VRK2: variants seen among roughly 807,000 people sequenced by gnomAD.
VRK2 encodes serine/threonine-protein kinase VRK2.
VRK2 carries 60 observed loss-of-function variants against 57.6 expected under a neutral mutation model. The observed-to-expected ratio is 1.04, with a 90% CI of 0.85 to 1.29. VRK2 has a LOEUF of 1.29. Ranked by LOEUF, VRK2 falls within the 50% of genes most tolerant of loss-of-function variation. The pLI, the probability that VRK2 is intolerant of heterozygous loss-of-function variation, is 0.00. For missense variants in VRK2, 705 were observed against 588.1 expected (o/e 1.20, Z -2.06); for synonymous variants, 231 against 199.2 (o/e 1.16, Z -1.35).
At chr2:58,119,375 G>C (rs577256150) in intron 7 of VRK2, among the ~76,000 whole-genome samples, 8 of 151,268 alleles carry the variant, frequency 5.3e-5, no homozygotes, top group South Asian at 2.1e-4. Context: ...CAGGCATGGG[G>C]CTGAGGCAGG....
intron 2 of VRK2, among the ~76,000 whole-genome samples, chr2:58,054,006 C>A (rs148404301): frequency 9.9e-5 from 15 of 152,074 alleles, no homozygotes; most frequent in African/African-American, 3.4e-4. Flanking sequence ...AAATTTAATA[C>A]GTTTGTTGGA....
At chr2:57,973,613 A>G (rs12713370) in intron 1 of VRK2, among the ~76,000 whole-genome samples, 103,310 of 151,550 alleles carry the variant, frequency 0.68, 36,171 homozygotes, top group African/African-American at 0.85. Flanking sequence ...ATCTAGCAGC[A>G]CTGTCAAACT....
chr2:58,011,473 C>G (rs919699033), intron 1 of VRK2, among the ~76,000 whole-genome samples: 2 of 152,150 alleles, frequency 1.3e-5, no homozygotes, highest in African/African-American at 4.8e-5. Context: ...ACTGGAATTT[C>G]AATGAAGTAT....
chr2:58,093,755 A>G (rs866480971), intron 7 of VRK2, among the ~76,000 whole-genome samples: 9 of 152,268 alleles, frequency 5.9e-5, no homozygotes, highest in Middle Eastern at 6.8e-3. Context: ...TGTGTCCTGA[A>G]TGGTATTGCC....
chr2:58,147,251 C>G, intron 12 of VRK2: 1 of 500,226 alleles, frequency 2.0e-6, no homozygotes, highest in Non-Finnish European at 4.0e-6. Flanking sequence ...AAGCATAGTA[C>G]TTATGCATTC....
At chr2:57,998,219 A>G (rs1169299915) in intron 1 of VRK2, among the ~76,000 whole-genome samples, 1 of 152,224 alleles carries the variant, frequency 6.6e-6, no homozygotes, top group Admixed American at 6.5e-5. Flanking sequence ...AAGTATTACT[A>G]TGATAAGTAA....
intron 1 of VRK2, among the ~76,000 whole-genome samples, chr2:57,961,767 G>A (rs954237059): frequency 6.6e-6 from 1 of 152,178 alleles, no homozygotes; most frequent in African/African-American, 2.4e-5. Flanking sequence ...AGAGAGCACT[G>A]ATAGAGGCTC....
At position 58,139,740 on chromosome 2, in the gene VRK2, A is replaced by G. The variant is rs1681048548; in HGVS notation, c.931A>G (p.Lys311Glu). ...DEKPNYQALK[K>E]ILNPHGIPLG... ...AAAGCCAAACTATCAAGCCCTCAAG[A>G]AAATTTTGAACCCTCATGGAATACC... Residue 311 changes from lysine (K) to glutamate (E), a missense_variant, in exon 11 of 13, where the codon AAA becomes GAA. Physicochemically the swap from Lys to Glu is moderately conservative, Grantham distance 56. Transcript: ENST00000340157. The G allele has an allele frequency of 1.9e-6, 3 of 1,613,320 alleles. No homozygotes were observed. The highest frequency in any genetic ancestry group is 3.3e-4 in the Middle Eastern group (2 of 6,056).
intron 2 of VRK2, among the ~76,000 whole-genome samples, chr2:58,054,418 G>C (rs1676211120): frequency 6.6e-6 from 1 of 150,462 alleles, no homozygotes; most frequent in Admixed American, 6.6e-5. Flanking sequence ...GAAACATATT[G>C]CTGTGGGGAA....
At chr2:58,143,926 T>G (rs1681712429) in intron 11 of VRK2, among the ~76,000 whole-genome samples, 1 of 151,702 alleles carries the variant, frequency 6.6e-6, no homozygotes, top group East Asian at 1.9e-4. Flanking sequence ...TGTATTTTAT[T>G]CATATATATT....
At chr2:58,101,078 T>C (rs928788852) in intron 7 of VRK2, among the ~76,000 whole-genome samples, 1 of 151,666 alleles carries the variant, frequency 6.6e-6, no homozygotes, top group Non-Finnish European at 1.5e-5. Context: ...TGGAGGGTAG[T>C]GATGGATGGA....
At chr2:58,156,462 T>C (rs1683867239) in intron 12 of VRK2, among the ~76,000 whole-genome samples, 1 of 152,214 alleles carries the variant, frequency 6.6e-6, no homozygotes, top group Admixed American at 6.5e-5. Context: ...ATCTCTCTTA[T>C]TTCTCTGAGT....
chr2:58,087,607 A>G (rs550775752), intron 5 of VRK2, among the ~76,000 whole-genome samples: 1 of 152,352 alleles, frequency 6.6e-6, no homozygotes, highest in African/African-American at 2.4e-5. Flanking sequence ...GGTGCCAAAC[A>G]GAACAGAAAA....
chr2:58,047,846 G>T (rs1675089331), intron 1 of VRK2, among the ~76,000 whole-genome samples: 1 of 152,152 alleles, frequency 6.6e-6, no homozygotes, highest in African/African-American at 2.4e-5. Context: ...GGAAAAACCC[G>T]TTAAAGGAAA....
At position 58,046,853 on chromosome 2, in the gene VRK2, G is replaced by A; in HGVS notation, c.-21G>A. 1.0e-6 allele frequency: 1 copy of A among 985,420 alleles called. No individual in the cohort carries two copies. 61.0% of individuals were successfully genotyped at this position (985,420 alleles called of 1,614,324 possible). A position where few individuals can be genotyped will look rare whatever the true frequency, so the allele number is the denominator to read the frequency against. On this transcript the variant is annotated 5_prime_UTR_variant, in exon 1 of 13. Coordinates refer to ENST00000340157, the MANE Select transcript of VRK2 (RefSeq NM_006296.7). ...GGCGGTGCGCGCGGCCCGGCGACGGGGGATCCTGAGGCCCGGTCAGTCTCT... is the reference window on the plus strand; with the variant it reads ...GGCGGTGCGCGCGGCCCGGCGACGGAGGATCCTGAGGCCCGGTCAGTCTCT...
intron 1 of VRK2, among the ~76,000 whole-genome samples, chr2:57,926,966 G>C (rs1167830570): frequency 7.1e-6 from 1 of 140,796 alleles, no homozygotes; most frequent in Non-Finnish European, 1.5e-5. Flanking sequence ...TTTTAGTGAA[G>C]GTAGTTTTCT....
intron 12 of VRK2, among the ~76,000 whole-genome samples, chr2:58,148,898 C>T (rs1229707790): frequency 3.3e-5 from 5 of 151,904 alleles, no homozygotes; most frequent in African/African-American, 9.6e-5. Flanking sequence ...CAATTACTGT[C>T]GCTTTACAGC....
chr2:58,017,133 C>T (rs1673609381), intron 1 of VRK2, among the ~76,000 whole-genome samples: 1 of 152,146 alleles, frequency 6.6e-6, no homozygotes, highest in Non-Finnish European at 1.5e-5. Flanking sequence ...GAAAACCCTC[C>T]ACTTTGGTAA....
intron 9 of VRK2, among the ~76,000 whole-genome samples, chr2:58,134,621 A>AAAACAAAAC (rs1486856489): frequency 6.7e-6 from 1 of 149,458 alleles, no homozygotes; most frequent in African/African-American, 2.5e-5. Context: ...CCGTCTCAAA[A>AAAACAAAAC]AAAAAAAAAA....
Sources: gnomAD v4.1 joint callset for allele counts (sites outside exome capture counted in the v4.1 genomes callset) on GRCh38, gnomAD v4.1.1 for gene constraint, MANE v1.5 for transcripts, NCBI Gene and HGNC (gene_info 2026-07-23, HGNC 2026-07-21) for gene names.